ANKRD33B: variants seen among roughly 807,000 people sequenced by gnomAD.
ANKRD33B encodes ankyrin repeat domain-containing protein 33B.
In ANKRD33B, 6 loss-of-function variants were observed where a neutral mutation model predicts 21.5. The ratio of observed to expected loss-of-function variants is 0.28; its 90% CI spans 0.15 to 0.55. ANKRD33B has a LOEUF of 0.55. Ranked by LOEUF, ANKRD33B falls within the 20% of genes least tolerant of loss-of-function variation. The pLI is 0.94. For missense variants in ANKRD33B, 698 were observed against 747.2 expected, an observed-to-expected ratio of 0.93 and a Z score of 0.77; for synonymous variants, 347 against 342.4, an observed-to-expected ratio of 1.01 and a Z score of -0.15.
chr5:10,597,704 ACT>A (rs1735846616), intron 1 of ANKRD33B, among the ~76,000 whole-genome samples: 1 of 152,110 alleles, frequency 6.6e-6, no homozygotes, highest in South Asian at 2.1e-4. Flanking sequence ...TATCTCCAGG[ACT>A]CTCCACCCTA....
rs1560993472 is a variant in ANKRD33B at position 10,655,291 on chromosome 5, TGCTGTTTTCAG to T, written c.*5185_*5195del. 3 of 152,332 alleles carry T rather than the reference TGCTGTTTTCAG, an allele frequency of 2.0e-5. No individual in the cohort carries two copies. The South Asian group carries it at 6.2e-4, about 32-fold the overall frequency. The allele number at this position is 152,332 out of a possible 1,614,324, so 9.4% of individuals were successfully genotyped here. A position where few individuals can be genotyped will look rare whatever the true frequency, so the allele number is the denominator to read the frequency against. On this transcript the variant is annotated 3_prime_UTR_variant, in exon 4 of 4. Transcript: ENST00000296657. ...CTAGGCCTGAAAAGGATGCAAAGCC[TGCTGTTTTCAG>T]GCTGTTGGGAAGAATCGTGCGTACC...
At chr5:10,604,906 C>T (rs886472408) in intron 1 of ANKRD33B, among the ~76,000 whole-genome samples, 1 of 152,148 alleles carries the variant, frequency 6.6e-6, no homozygotes, top group Non-Finnish European at 1.5e-5. Flanking sequence ...TAATAATTAT[C>T]ATTTATTTTC....
At chr5:10,610,587 T>C (rs538751505) in intron 1 of ANKRD33B, among the ~76,000 whole-genome samples, 1 of 152,340 alleles carries the variant, frequency 6.6e-6, no homozygotes, top group South Asian at 2.1e-4. Flanking sequence ...TCTATCAGTT[T>C]AGGGGCATGG....
chr5:10,578,071 G>A (rs1469332360), intron 1 of ANKRD33B, among the ~76,000 whole-genome samples: 3 of 152,234 alleles, frequency 2.0e-5, no homozygotes, highest in Non-Finnish European at 4.4e-5. Context: ...GTTGAAGAGT[G>A]AACTGCACCA....
chr5:10,645,512 GA>G (rs1275181824), intron 3 of ANKRD33B, among the ~76,000 whole-genome samples: 1 of 152,138 alleles, frequency 6.6e-6, no homozygotes, highest in East Asian at 1.9e-4. Context: ...CAGAAATCCT[GA>G]CTAGACAGTG....
chr5:10,647,269 T>C (rs897459317), intron 3 of ANKRD33B, among the ~76,000 whole-genome samples: 2 of 152,156 alleles, frequency 1.3e-5, no homozygotes, highest in Non-Finnish European at 2.9e-5. Flanking sequence ...CACGCCCAGC[T>C]AATTTTTTGT....
Position 10,576,441 on chromosome 5 carries a change from T to G in ANKRD33B, c.366+11608T>G, listed in dbSNP as rs935910005. 1.3e-5 allele frequency among the ~76,000 whole-genome samples: 2 copies of G among 152,200 alleles called. No individual in the cohort carries two copies. Among genetic ancestry groups the G allele is most frequent in the African/African-American group, 2.4e-5 (1 of 41,444 alleles). On this transcript the variant is annotated intron_variant, in intron 1 of 3. Coordinates refer to ENST00000296657, the MANE Select transcript of ANKRD33B (RefSeq NM_001164440.2). This position sits in a 1 kb window ranked among gnomAD's most constrained non-coding sequence, Gnocchi z 4.1. ...AGATGATTTGCACATACATTTAAGT[T>G]TCAGGAGTTCTAGAACTTTTCTTAG...
chr5:10,619,850 A>C lies in ANKRD33B; in HGVS notation c.496+1388A>C, dbSNP rs544808248. Among the ~76,000 whole-genome samples the C allele has an allele frequency of 1.3e-5, 2 of 152,312 alleles. No individual in the cohort carries two copies. Among genetic ancestry groups the C allele is most frequent in the South Asian group, 4.1e-4 (2 of 4,822 alleles). On this transcript the variant is annotated intron_variant, in intron 2 of 3. Coordinates refer to ENST00000296657, the MANE Select transcript of ANKRD33B (RefSeq NM_001164440.2). The surrounding 1 kb of genome is among the most constrained non-coding windows in gnomAD (Gnocchi z 4.5). ...TGCAGCTCATGGGACAGAGAAACACACGAAGCCCAGCACCATCTGTCTGCC... is the reference window on the plus strand; with the variant it reads ...TGCAGCTCATGGGACAGAGAAACACCCGAAGCCCAGCACCATCTGTCTGCC...
chr5:10,572,889 AG>A (rs374729897), intron 1 of ANKRD33B, among the ~76,000 whole-genome samples: 8 of 152,352 alleles, frequency 5.3e-5, no homozygotes, highest in African/African-American at 1.9e-4. Context: ...CCAGAAACAG[AG>A]GCCAGAGAGA....
chr5:10,603,264 A>G (rs1735970739), intron 1 of ANKRD33B, among the ~76,000 whole-genome samples: 1 of 151,764 alleles, frequency 6.6e-6, no homozygotes, highest in Admixed American at 6.6e-5. Flanking sequence ...CATCCTTAAA[A>G]AAAATTTTTT....
At chr5:10,627,152 T>A (rs1736571909) in intron 2 of ANKRD33B, 1 of 152,166 alleles carries the variant, frequency 6.6e-6, no homozygotes. Context: ...TGAAAATAAA[T>A]CCCCATGTAA....
chr5:10,570,866 T>C (rs1427617351), intron 1 of ANKRD33B, among the ~76,000 whole-genome samples: 2 of 151,736 alleles, frequency 1.3e-5, no homozygotes, highest in Non-Finnish European at 1.5e-5. Flanking sequence ...GCCTCCTTTA[T>C]TCTTTTCAGA....
Position 10,617,450 on chromosome 5 carries a change from C to T in ANKRD33B, c.367-883C>T, listed in dbSNP as rs538824311. ...CATCCTGGACTCTTTTTCTATTCAA[C>T]CTCACCTCCATTCTAACAGCAAATC... is the stretch of plus-strand genomic sequence containing the variant. On this transcript the variant is annotated intron_variant, in intron 1 of 3. Coordinates refer to ENST00000296657, the MANE Select transcript of ANKRD33B (RefSeq NM_001164440.2). 3.0e-4 allele frequency among the ~76,000 whole-genome samples: 45 copies of T among 152,320 alleles called. 1 individual carries two copies. In the East Asian group the frequency reaches 8.5e-3, roughly 29 times the overall value.
chr5:10,572,615 T>C (rs1226498019), intron 1 of ANKRD33B, among the ~76,000 whole-genome samples: 1 of 152,332 alleles, frequency 6.6e-6, no homozygotes, highest in Non-Finnish European at 1.5e-5. Flanking sequence ...CTTCACCTAC[T>C]GCCCATGCCG....
At position 10,655,266 on chromosome 5, in the gene ANKRD33B, C is replaced by T. The variant is rs1211008086; in HGVS notation, c.*5153C>T. ...GAAGCCCCTGGCATAGGGCCAGACCCTAGGCCTGAAAAGGATGCAAAGCCT... is the reference window on the plus strand; with the variant it reads ...GAAGCCCCTGGCATAGGGCCAGACCTTAGGCCTGAAAAGGATGCAAAGCCT... On this transcript the variant is annotated 3_prime_UTR_variant, in exon 4 of 4. Transcript: ENST00000296657. 2 of 152,366 alleles carry T rather than the reference C, an allele frequency of 1.3e-5. No homozygotes were observed. Among genetic ancestry groups the T allele is most frequent in the Non-Finnish European group, 2.9e-5 (2 of 68,056 alleles). The allele number at this position is 152,366 out of a possible 1,614,324, so 9.4% of individuals were successfully genotyped here. A position where few individuals can be genotyped will look rare whatever the true frequency, so the allele number is the denominator to read the frequency against.
At chr5:10,606,560 C>T (rs1298382810) in intron 1 of ANKRD33B, among the ~76,000 whole-genome samples, 1 of 151,992 alleles carries the variant, frequency 6.6e-6, no homozygotes, top group East Asian at 2.0e-4. Flanking sequence ...ATGGTGAAGC[C>T]CTGTCTCTAC....
intron 3 of ANKRD33B, among the ~76,000 whole-genome samples, chr5:10,639,965 T>G (rs1358844528): frequency 1.6e-5 from 1 of 64,066 alleles, no homozygotes; most frequent in African/African-American, 4.1e-5. Context: ...CGCGGTGATG[T>G]TAGCGGGTGA....
Position 10,651,448 on chromosome 5 carries a change from AAG to A in ANKRD33B, c.*1336_*1337del, listed in dbSNP as rs1737355025. 1 of 152,086 alleles carries A rather than the reference AAG, an allele frequency of 6.6e-6. No individual in the cohort carries two copies. The highest frequency in any genetic ancestry group is 2.1e-4 in the South Asian group (1 of 4,808). 9.4% of individuals were successfully genotyped at this position (152,086 alleles called of 1,614,324 possible). On this transcript the variant is annotated 3_prime_UTR_variant, in exon 4 of 4. Coordinates refer to ENST00000296657, the MANE Select transcript of ANKRD33B (RefSeq NM_001164440.2). Reference sequence around the variant, plus strand: ...TCAGTGATCAAATTTGAATTTATCAAAGGGGGTTTTCTGCATAATTTTGTATT... The same window carrying A: ...TCAGTGATCAAATTTGAATTTATCAAGGGGTTTTCTGCATAATTTTGTATT...
intron 1 of ANKRD33B, among the ~76,000 whole-genome samples, chr5:10,573,859 G>T (rs1034729169): frequency 2.0e-5 from 3 of 152,222 alleles, no homozygotes; most frequent in Non-Finnish European, 4.4e-5. Flanking sequence ...GATGCGATTT[G>T]TGTGGGGACA....
Sources: allele counts gnomAD v4.1 joint callset (sites outside exome capture counted in the v4.1 genomes callset), GRCh38; gene constraint gnomAD v4.1.1; non-coding constraint Gnocchi (gnomAD v3.1); transcripts MANE v1.5; gene names NCBI Gene and HGNC (gene_info 2026-07-23, HGNC 2026-07-21).